Variants in ATP6V0A4 observed in about 807,000 individuals in gnomAD.
ATP6V0A4 encodes V-type proton ATPase 116 kDa subunit a 4.
Under a neutral mutation model 107.3 loss-of-function variants are expected in ATP6V0A4, and 86 were observed. That is an observed-to-expected ratio of 0.80 (90% CI 0.67 to 0.96). The LOEUF (loss-of-function observed/expected upper bound fraction) is 0.96. ATP6V0A4 is among the 40% of genes least tolerant of loss of function. The pLI, the probability that ATP6V0A4 is intolerant of heterozygous loss-of-function variation, is 0.00. For synonymous variants in ATP6V0A4, 353 were observed against 381.4 expected, an observed-to-expected ratio of 0.93 and a Z score of 0.87; for missense variants, 908 against 1,045.6, an observed-to-expected ratio of 0.87 and a Z score of 1.81.
In ATP6V0A4 at chr7:138,798,056, C is replaced by T. The variant is rs1486213670; in HGVS notation, c.-143G>A. ...CACCTGCAGCAGGCACTCGGCACAA[C>T]TCCGCAGGACCGGCTCACCTGCACC... On this transcript the variant is annotated 5_prime_UTR_variant, in exon 1 of 22. Coordinates refer to ENST00000310018, the MANE Select transcript of ATP6V0A4 (RefSeq NM_020632.3). 10 of 1,562,550 alleles carry T rather than the reference C, an allele frequency of 6.4e-6. No individual in the cohort carries two copies. Among genetic ancestry groups the T allele is most frequent in the Non-Finnish European group, 7.8e-6 (9 of 1,153,656 alleles).
chr7:138,779,779 T>A (rs1439386179), intron 2 of ATP6V0A4, among the ~76,000 whole-genome samples: 1 of 152,214 alleles, frequency 6.6e-6, no homozygotes, highest in Non-Finnish European at 1.5e-5. Context: ...TAAATACTGA[T>A]ATAAAATCAA....
At chr7:138,791,053 C>CGA (rs1563024334) in intron 1 of ATP6V0A4, among the ~76,000 whole-genome samples, 1 of 151,670 alleles carries the variant, frequency 6.6e-6, no homozygotes, top group East Asian at 1.9e-4. Flanking sequence ...AAAAGAATGG[C>CGA]GAAGACTGAG....
At chr7:138,764,005 C>T (rs987328352) in intron 5 of ATP6V0A4, among the ~76,000 whole-genome samples, 2 of 146,880 alleles carry the variant, frequency 1.4e-5, no homozygotes, top group South Asian at 2.1e-4. Context: ...TATATATATA[C>T]ACACACACAC....
chr7:138,787,123 G>A (rs963693861), intron 1 of ATP6V0A4, among the ~76,000 whole-genome samples: 1 of 152,140 alleles, frequency 6.6e-6, no homozygotes, highest in African/African-American at 2.4e-5. Flanking sequence ...GGCAGAGCTG[G>A]AAGCAGAACC....
In ATP6V0A4 at chr7:138,739,579, TC is replaced by T; in HGVS notation, c.1532del (p.Gly511GlufsTer26). The T allele has an allele frequency of 6.2e-7, 1 of 1,614,180 alleles. No homozygotes were observed. Among genetic ancestry groups the T allele is most frequent in the Non-Finnish European group, 8.5e-7 (1 of 1,180,048 alleles). On this transcript the variant is annotated frameshift_variant, in exon 15 of 22. Transcript: ENST00000310018. LOFTEE classifies it high-confidence loss of function. ...LYLQLDPAIPGVYFGNPYPFG... is the reference protein window; with the variant it reads ...LYLQLDPAIPXVYFGNPYPFG... ...ACGGGTATGGATTTCCAAAATACAC[TC>T]CTGGTATGGCTGGGTCCAGCTGCAG...
At chr7:138,718,122 TCTGC>T (rs1406770049) in intron 19 of ATP6V0A4, among the ~76,000 whole-genome samples, 13 of 47,788 alleles carry the variant, frequency 2.7e-4, no homozygotes, top group South Asian at 8.3e-4. Flanking sequence ...GTCACGGATG[TCTGC>T]AGAGGGAGAC....
chr7:138,792,030 C>T (rs543700371), intron 1 of ATP6V0A4, among the ~76,000 whole-genome samples: 1 of 152,198 alleles, frequency 6.6e-6, no homozygotes, highest in Admixed American at 6.5e-5. Context: ...GTGGATAGGC[C>T]AGGTGTGGTG....
rs752113040 is a variant in ATP6V0A4, at chr7:138,749,321, G to GAAA, written c.1030-7_1030-5dup. The GAAA allele has an allele frequency of 3.3e-6, 5 of 1,516,360 alleles. No individual in the cohort carries two copies. Among genetic ancestry groups the GAAA allele is most frequent in the Admixed American group, 1.8e-5 (1 of 55,686 alleles). 93.9% of individuals were successfully genotyped at this position (1,516,360 alleles called of 1,614,324 possible). On this transcript the variant is annotated splice_polypyrimidine_tract_variant and splice_region_variant and intron_variant, in intron 11 of 21. Transcript: ENST00000310018. Reference sequence around the variant, plus strand: ...CCATGGAGGAGCCACTTAGTTCCTGGAAAAAAAAAAAAAAGCGACAAAGAT... The same window carrying GAAA: ...CCATGGAGGAGCCACTTAGTTCCTGGAAAAAAAAAAAAAAAAAGCGACAAAGAT...
intron 18 of ATP6V0A4, among the ~76,000 whole-genome samples, chr7:138,722,444 C>T (rs1804468818): frequency 6.6e-6 from 1 of 151,962 alleles, no homozygotes; most frequent in South Asian, 2.1e-4. Flanking sequence ...GCTGGCAGAT[C>T]ACTTGAGGTC....
At chr7:138,717,215 A>T (rs1804087101) in intron 19 of ATP6V0A4, among the ~76,000 whole-genome samples, 1 of 152,074 alleles carries the variant, frequency 6.6e-6, no homozygotes, top group South Asian at 2.1e-4. Context: ...CTGGAAACGG[A>T]CTCCTGAGAC....
chr7:138,722,567 G>A (rs1804474463), intron 18 of ATP6V0A4, among the ~76,000 whole-genome samples: 1 of 149,994 alleles, frequency 6.7e-6, no homozygotes, highest in Admixed American at 6.7e-5. Context: ...GACCAGCCTG[G>A]CACCCCGTCT....
chr7:138,777,744 TGTACA>T (rs1807735038), intron 2 of ATP6V0A4, among the ~76,000 whole-genome samples: 1 of 151,926 alleles, frequency 6.6e-6, no homozygotes, highest in South Asian at 2.1e-4. Context: ...ATAAAAACCC[TGTACA>T]GTATATATAC....
At chr7:138,762,714 T>A (rs1241387730) in intron 6 of ATP6V0A4, among the ~76,000 whole-genome samples, 186 bp downstream of exon 6, 1 of 152,062 alleles carries the variant, frequency 6.6e-6, no homozygotes, top group East Asian at 1.9e-4. Context: ...CACCATAATA[T>A]TTTTCCCTTC....
rs561246652 is a variant in ATP6V0A4, at chr7:138,729,208, G to A, written c.1909-346C>T. Among the ~76,000 whole-genome samples the A allele has an allele frequency of 9.9e-5, 15 of 152,120 alleles. No homozygotes were observed. In the South Asian group the frequency reaches 2.5e-3, roughly 25 times the overall value. ...TCTTGAACTCTGTCCCATGGGGGTC[G>A]TTTTCACCTGGGCCTGCATGAAAAC... On this transcript the variant is annotated intron_variant, in intron 17 of 21. Coordinates refer to ENST00000310018, the MANE Select transcript of ATP6V0A4 (RefSeq NM_020632.3).
At chr7:138,747,400 G>C (rs1806003654) in intron 13 of ATP6V0A4, 25 bp downstream of exon 13, 2 of 1,610,354 alleles carry the variant, frequency 1.2e-6, no homozygotes, top group Non-Finnish European at 1.7e-6. Flanking sequence ...AATGAATCAG[G>C]GCAAGACGGT....
At chr7:138,738,431 G>A (rs1455565477) in intron 15 of ATP6V0A4, among the ~76,000 whole-genome samples, 2 of 152,118 alleles carry the variant, frequency 1.3e-5, no homozygotes, top group Non-Finnish European at 2.9e-5. Context: ...CCAAACAAAG[G>A]AAGATCAACC....
intron 2 of ATP6V0A4, among the ~76,000 whole-genome samples, chr7:138,774,970 G>A (rs1045484254): frequency 2.6e-5 from 4 of 151,978 alleles, no homozygotes; most frequent in Non-Finnish European, 5.9e-5. Flanking sequence ...CAGAGGGTGC[G>A]AGGGGCAGAA....
At chr7:138,737,066 A>G (rs1344548771) in intron 15 of ATP6V0A4, among the ~76,000 whole-genome samples, 6 of 137,542 alleles carry the variant, frequency 4.4e-5, no homozygotes, top group Non-Finnish European at 9.3e-5. Flanking sequence ...AAACGCAGTC[A>G]GTAAATGCAC....
Position 138,732,280 on chromosome 7 carries a change from T to C in ATP6V0A4, c.1908+597A>G, listed in dbSNP as rs148943572. On this transcript the variant is annotated intron_variant, in intron 17 of 21. Transcript: ENST00000310018. ...GCCTAACAATTTGAAGGGTTATTTT[T>C]TTTTCTTTCTTCATAGCCAATGTAC... 9.2e-5 allele frequency among the ~76,000 whole-genome samples: 14 copies of C among 152,342 alleles called. No homozygotes were observed. In the East Asian group the frequency reaches 2.7e-3, roughly 29 times the overall value.
Sources: allele counts gnomAD v4.1 joint callset (sites outside exome capture counted in the v4.1 genomes callset), GRCh38; gene constraint gnomAD v4.1.1; transcripts MANE v1.5; gene names NCBI Gene and HGNC (gene_info 2026-07-23, HGNC 2026-07-21).